The following PMPCA variants were observed in gnomAD, a reference collection of about 807,000 sequenced individuals.
The protein encoded by PMPCA is peptidase, mitochondrial processing subunit alpha, also known as mitochondrial-processing peptidase subunit alpha.
In PMPCA, 47 loss-of-function variants were observed where a neutral mutation model predicts 59.3. That is an observed-to-expected ratio of 0.79 (90% CI 0.63 to 1.01). The LOEUF (loss-of-function observed/expected upper bound fraction) is 1.01, where lower values mean the gene tolerates loss of function less well. Among genes scored for constraint, PMPCA ranks in the 50% least tolerant of loss-of-function variants. The pLI is 0.00. For synonymous variants in PMPCA, 338 were observed against 290.3 expected (o/e 1.16, Z -1.67); for missense variants, 726 against 704.5 (o/e 1.03, Z -0.34).
chr9:136,412,989 T>G, intron 4 of PMPCA, 97 bp downstream of exon 4: 1 of 779,554 alleles, frequency 1.3e-6, no homozygotes, highest in Non-Finnish European at 2.3e-6. Context: ...CAGCGGGAGG[T>G]GTGGAGATTC....
Position 136,423,396 on chromosome 9 carries a change from C to G in PMPCA, c.*132C>G. On this transcript the variant is annotated 3_prime_UTR_variant, in exon 13 of 13. Coordinates refer to ENST00000371717, the MANE Select transcript of PMPCA (RefSeq NM_015160.3). ...CGGTGCAAACAATGTCGCCACAGCA[C>G]CCACGCGGTTTGCATTCTTTTGGAA... 1 of 917,062 alleles carries G rather than the reference C, an allele frequency of 1.1e-6. No homozygotes were observed. Among genetic ancestry groups the G allele is most frequent in the South Asian group, 1.7e-5 (1 of 58,840 alleles). 56.8% of individuals were successfully genotyped at this position (917,062 alleles called of 1,614,324 possible).
Position 136,418,673 on chromosome 9 carries a change from G to C in PMPCA, c.1109G>C (p.Arg370Thr). 1 of 1,601,824 alleles carries C rather than the reference G, an allele frequency of 6.2e-7. No homozygotes were observed. The highest frequency in any genetic ancestry group is 8.6e-7 in the Non-Finnish European group (1 of 1,168,794). ...FSRLYLNVLN[R>T]HHWMYNATSY... ...AGGCTCTACCTCAACGTGCTCAACA[G>C]GTGGGTTGCACTCTTTTCTGTATCC... The change falls in exon 9 of 13, where the codon AGG becomes ACG. Residue 370 changes from arginine (R) to threonine (T), a missense_variant and splice_region_variant. Coordinates refer to ENST00000371717, the MANE Select transcript of PMPCA (RefSeq NM_015160.3).
chr9:136,418,815 C>T lies in PMPCA; in HGVS notation c.1110-13C>T, dbSNP rs370448083. On this transcript the variant is annotated splice_polypyrimidine_tract_variant and intron_variant, in intron 9 of 12. Transcript: ENST00000371717. The stretch of plus-strand genomic sequence containing the variant: ...GAGTCCCCTTCACTCCCATGACTCT[C>T]GCTTCCTCCCAGGCACCACTGGATG... The T allele has an allele frequency of 4.3e-5, 69 of 1,601,832 alleles. No homozygotes were observed. In the African/African-American group the frequency reaches 5.1e-4, roughly 12 times the overall value.
intron 7 of PMPCA, among the ~76,000 whole-genome samples, chr9:136,417,729 C>T (rs1564422724): frequency 6.6e-6 from 1 of 151,792 alleles, no homozygotes; most frequent in African/African-American, 2.4e-5. Context: ...GCTGGGATTA[C>T]AGGCGTAAGC....
At chr9:136,413,389 G>A (rs1835189168) in intron 4 of PMPCA, among the ~76,000 whole-genome samples, 1 of 152,198 alleles carries the variant, frequency 6.6e-6, no homozygotes, top group South Asian at 2.1e-4. Context: ...GGAGGGGGCA[G>A]TGTTGCCTCG....
At chr9:136,412,464 C>A (rs755297349) in intron 2 of PMPCA, 26 bp from the exon 3 acceptor site, 1 of 1,078,596 alleles carries the variant, frequency 9.3e-7, no homozygotes, top group African/African-American at 1.6e-5. Context: ...TCTGATGTAA[C>A]CTGTCAATTT....
chr9:136,411,977 G>A lies in PMPCA; in HGVS notation c.72-20G>A. The A allele has an allele frequency of 6.6e-7, 1 of 1,516,058 alleles. No individual in the cohort carries two copies. Among genetic ancestry groups the A allele is most frequent in the East Asian group, 2.3e-5 (1 of 43,534 alleles). 93.9% of individuals were successfully genotyped at this position (1,516,058 alleles called of 1,614,324 possible). On this transcript the variant is annotated intron_variant, in intron 1 of 12. Coordinates refer to ENST00000371717, the MANE Select transcript of PMPCA (RefSeq NM_015160.3). ...TGTTGTCTCAAGCCTGTTGTAACTG[G>A]GCCGCTTTCTCTGTTTTAGGTTTGG...
At chr9:136,419,363 G>A (rs756021740) in intron 11 of PMPCA, 1 of 572,562 alleles carries the variant, frequency 1.7e-6, no homozygotes. Context: ...CCAGTGCTCG[G>A]TCCACTACTT....
At chr9:136,422,591 C>G in intron 12 of PMPCA, 1 of 1,010,442 alleles carries the variant, frequency 9.9e-7, no homozygotes, top group Non-Finnish European at 1.2e-6. Flanking sequence ...CGTGTGGGCC[C>G]TCGTCCTTCC....
chr9:136,422,859 T>C, intron 12 of PMPCA: 5 of 1,339,016 alleles, frequency 3.7e-6, no homozygotes, highest in Non-Finnish European at 4.8e-6. Flanking sequence ...TGGGTGGCTT[T>C]GTCCTATATT....
chr9:136,421,693 G>A (rs1835455161), intron 11 of PMPCA, 139 bp from the exon 12 acceptor site: 11 of 741,180 alleles, frequency 1.5e-5, no homozygotes, highest in Non-Finnish European at 2.4e-5. Context: ...ATTACAGGCG[G>A]GAGCCACTGC....
At chr9:136,413,119 C>T (rs1365869819) in intron 4 of PMPCA, among the ~76,000 whole-genome samples, 4 of 152,192 alleles carry the variant, frequency 2.6e-5, no homozygotes, top group African/African-American at 4.8e-5. Context: ...TGGCTGCATG[C>T]CAGGGATGTA....
rs548117886 is a variant in PMPCA, at chr9:136,410,834, C to G, written c.71+95C>G. On this transcript the variant is annotated intron_variant, in intron 1 of 12. Transcript: ENST00000371717. Reference sequence around the variant, plus strand: ...TCGGTTTCTACAGGTGACATGGCGCCCGTGGGACGGGCTCGCACTTCGGGA... The same window carrying G: ...TCGGTTTCTACAGGTGACATGGCGCGCGTGGGACGGGCTCGCACTTCGGGA... The G allele has an allele frequency of 4.6e-6, 5 of 1,076,874 alleles. No homozygotes were observed. In the East Asian group the frequency reaches 1.6e-4, roughly 34 times the overall value. The allele number at this position is 1,076,874 out of a possible 1,614,324, so 66.7% of individuals were successfully genotyped here.
chr9:136,422,761 C>T (rs1359371358), intron 12 of PMPCA: 3 of 1,121,442 alleles, frequency 2.7e-6, no homozygotes, highest in Non-Finnish European at 3.3e-6. Flanking sequence ...TCCATGCGGC[C>T]CTCGGGGGCT....
rs1156402838 is a variant in PMPCA at position 136,418,886 on chromosome 9, C to G, written c.1168C>G (p.Leu390Val). ...YHHSYEDTGL[L>V]CIHASADPRQ... Reference sequence around the variant, plus strand: ...CCACAGCTACGAGGACACTGGCCTCCTTTGCATCCATGCCAGCGCCGACCC... The same window carrying G: ...CCACAGCTACGAGGACACTGGCCTCGTTTGCATCCATGCCAGCGCCGACCC... Residue 390 changes from leucine (L) to valine (V), a missense_variant, in exon 10 of 13, where the codon CTT becomes GTT. Leu to Val is a conservative substitution (Grantham distance 32). Coordinates refer to ENST00000371717, the MANE Select transcript of PMPCA (RefSeq NM_015160.3). 9 of 1,613,794 alleles carry G rather than the reference C, an allele frequency of 5.6e-6. No individual in the cohort carries two copies. Among genetic ancestry groups the G allele is most frequent in the Non-Finnish European group, 6.8e-6 (8 of 1,180,002 alleles).
intron 12 of PMPCA, 38 bp from the exon 13 acceptor site, chr9:136,423,057 G>T (rs369341235): frequency 1.9e-5 from 30 of 1,577,454 alleles, no homozygotes; most frequent in Non-Finnish European, 2.2e-5. Context: ...TGGGGGCCGT[G>T]GCGCGCTCGT....
At chr9:136,414,258 C>T (rs1370278714) in intron 4 of PMPCA, among the ~76,000 whole-genome samples, 1 of 152,246 alleles carries the variant, frequency 6.6e-6, no homozygotes, top group Non-Finnish European at 1.5e-5. Context: ...GCCTACCAAG[C>T]ATTCACACTG....
rs753969348 is a variant in PMPCA at position 136,410,680 on chromosome 9, G to C, written c.12G>C (p.Val4=). Residue 4 remains valine (V), a synonymous_variant, in exon 1 of 13, where the codon GTG becomes GTC. Coordinates refer to ENST00000371717, the MANE Select transcript of PMPCA (RefSeq NM_015160.3). MAA[V]VLAATRLLRG... ...GGCGGAGACGCAAGATGGCGGCTGT[G>C]GTGCTGGCGGCGACGCGGTTGCTGC... 35 of 1,414,770 alleles carry C rather than the reference G, an allele frequency of 2.5e-5. No individual in the cohort carries two copies. The highest frequency in any genetic ancestry group is 3.0e-5 in the Non-Finnish European group (33 of 1,085,902). 87.6% of individuals were successfully genotyped at this position (1,414,770 alleles called of 1,614,324 possible).
chr9:136,422,464 G>A (rs10870166), intron 12 of PMPCA: 1 of 1,052,658 alleles, frequency 9.5e-7, no homozygotes, highest in Non-Finnish European at 1.2e-6. Context: ...GGACTCTTCT[G>A]GGGGACAGGC....
Sources: allele counts gnomAD v4.1 joint callset (sites outside exome capture counted in the v4.1 genomes callset), GRCh38; gene constraint gnomAD v4.1.1; transcripts MANE v1.5; gene names NCBI Gene and HGNC (gene_info 2026-07-23, HGNC 2026-07-21).